ENTREP2: variants seen among roughly 807,000 people sequenced by gnomAD.
ENTREP2 encodes protein ENTREP2.
At chr15:29,293,055 G>C in the ENTREP2 span, among the ~76,000 whole-genome samples, 2 of 152,170 alleles carry the variant, frequency 1.3e-5, no homozygotes, top group Admixed American at 1.3e-4. Context: ...GGCACAAAAA[G>C]GCTGGGTCTA....
At chr15:29,311,771 T>C in the ENTREP2 span, among the ~76,000 whole-genome samples, 1 of 152,276 alleles carries the variant, frequency 6.6e-6, no homozygotes, top group Middle Eastern at 3.4e-3. Flanking sequence ...CACACTATAT[T>C]GTAGGCACTG....
At chr15:29,207,270 G>C in the ENTREP2 span, among the ~76,000 whole-genome samples, 1 of 152,132 alleles carries the variant, frequency 6.6e-6, no homozygotes, top group African/African-American at 2.4e-5. Context: ...TCCAGAATTG[G>C]TTCCCGCCCG....
chr15:29,420,693 T>C, the ENTREP2 span, among the ~76,000 whole-genome samples: 4 of 152,314 alleles, frequency 2.6e-5, no homozygotes, highest in East Asian at 7.7e-4. Flanking sequence ...CTTTGGCCTC[T>C]ATATGACACT....
At chr15:29,136,657 C>T in the ENTREP2 span, among the ~76,000 whole-genome samples, 2 of 151,350 alleles carry the variant, frequency 1.3e-5, no homozygotes, top group Non-Finnish European at 2.9e-5. Flanking sequence ...GGGCGATTTG[C>T]ACTTTTGTTT....
chr15:29,144,465 A>T, the ENTREP2 span, among the ~76,000 whole-genome samples: 1 of 152,184 alleles, frequency 6.6e-6, no homozygotes, highest in Admixed American at 6.5e-5. Context: ...ATGGTAGCTC[A>T]TGCCTATCAT....
the ENTREP2 span, among the ~76,000 whole-genome samples, chr15:29,673,388 T>C: frequency 2.2e-4 from 34 of 152,120 alleles, no homozygotes; most frequent in African/African-American, 7.0e-4. Context: ...CAGCCCCTAC[T>C]CAAGATGGAG....
At chr15:29,632,529 C>A in the ENTREP2 span, among the ~76,000 whole-genome samples, 1 of 152,122 alleles carries the variant, frequency 6.6e-6, no homozygotes, top group Non-Finnish European at 1.5e-5. Context: ...TGCCTGTAAT[C>A]CCAACACTTT....
the ENTREP2 span, among the ~76,000 whole-genome samples, chr15:29,497,409 A>C: frequency 6.6e-6 from 1 of 152,126 alleles, no homozygotes; most frequent in Admixed American, 6.5e-5. Context: ...CTTTTCTTTG[A>C]TAGAAAGATT....
chr15:29,620,485 G>T, the ENTREP2 span, among the ~76,000 whole-genome samples: 4 of 152,052 alleles, frequency 2.6e-5, no homozygotes, highest in African/African-American at 9.7e-5. Context: ...CTCAAGAATG[G>T]GTCTGGGCCA....
the ENTREP2 span, among the ~76,000 whole-genome samples, chr15:29,397,399 GA>G: frequency 2.0e-5 from 3 of 151,060 alleles, no homozygotes; most frequent in South Asian, 6.3e-4. Context: ...TTAAAAAAAG[GA>G]AAAAAAAATT....
At chr15:29,315,445 C>A in the ENTREP2 span, among the ~76,000 whole-genome samples, 4 of 152,068 alleles carry the variant, frequency 2.6e-5, no homozygotes, top group Non-Finnish European at 4.4e-5. Context: ...ACAAAGGGGT[C>A]ATTTAAAATA....
chr15:29,668,924 C>T, the ENTREP2 span, among the ~76,000 whole-genome samples: 3 of 152,314 alleles, frequency 2.0e-5, no homozygotes, highest in Admixed American at 6.5e-5. Context: ...CAGACTTTAC[C>T]GCAGACCGTG....
the ENTREP2 span, among the ~76,000 whole-genome samples, chr15:29,600,902 C>CTTTTTTTTTT: frequency 8.1e-6 from 1 of 123,610 alleles, no homozygotes; most frequent in African/African-American, 3.6e-5. Context: ...ATTTTTCTTT[C>CTTTTTTTTTT]TTTTTTTTTT....
chr15:29,486,397 GA>G, the ENTREP2 span, among the ~76,000 whole-genome samples: 1 of 152,128 alleles, frequency 6.6e-6, no homozygotes. Flanking sequence ...AGAAAAAAAA[GA>G]ATGAAATCCT....
the ENTREP2 span, among the ~76,000 whole-genome samples, chr15:29,324,929 C>G: frequency 5.9e-5 from 9 of 152,118 alleles, no homozygotes; most frequent in Non-Finnish European, 1.3e-4. Context: ...CCAAGACTGA[C>G]CACATTCTTG....
chr15:29,480,494 G>A, the ENTREP2 span, among the ~76,000 whole-genome samples: 1 of 152,056 alleles, frequency 6.6e-6, no homozygotes, highest in Non-Finnish European at 1.5e-5. Context: ...GGTAGGGCAG[G>A]GAGGCCACAG....
At chr15:29,629,446 T>A in the ENTREP2 span, among the ~76,000 whole-genome samples, 1 of 152,250 alleles carries the variant, frequency 6.6e-6, no homozygotes, top group Admixed American at 6.5e-5. Context: ...GATTTGTTCA[T>A]AATGTTTTTT....
the ENTREP2 span, among the ~76,000 whole-genome samples, chr15:29,638,641 C>G: frequency 2.0e-5 from 3 of 152,186 alleles, no homozygotes; most frequent in Non-Finnish European, 4.4e-5. Context: ...GTTTAGGAGG[C>G]TGAAGCAGGA....
the ENTREP2 span, among the ~76,000 whole-genome samples, chr15:29,407,320 GACC>G: frequency 2.2e-4 from 33 of 152,252 alleles, no homozygotes; most frequent in African/African-American, 7.7e-4. Context: ...AATCTCATGG[GACC>G]ACCATTGTAT....
Sources: allele counts gnomAD v4.1 joint callset (sites outside exome capture counted in the v4.1 genomes callset), GRCh38; gene constraint gnomAD v4.1.1; transcripts MANE v1.5; gene names NCBI Gene and HGNC (gene_info 2026-07-23, HGNC 2026-07-21).